The following SLC25A16 variants were observed in gnomAD, a reference collection of about 807,000 sequenced individuals.
SLC25A16 encodes mitochondrial coenzyme A transporter SLC25A16.
In SLC25A16, 39 loss-of-function variants were observed where a neutral mutation model predicts 41.5. The ratio of observed to expected loss-of-function variants is 0.94; its 90% CI spans 0.73 to 1.23. The LOEUF (loss-of-function observed/expected upper bound fraction) is 1.23, where lower values mean the gene tolerates loss of function less well. Ranked by LOEUF, SLC25A16 falls within the 50% of genes most tolerant of loss-of-function variation. SLC25A16 has a pLI of 0.00. For synonymous variants in SLC25A16, 146 were observed against 147.8 expected (o/e 0.99, Z 0.09); for missense variants, 421 against 426.9 (o/e 0.99, Z 0.12).
At chr10:68,503,592 ATTAAT>A (rs749337906) in intron 4 of SLC25A16, 35 bp downstream of exon 4, 1,010 of 1,288,388 alleles carry the variant, frequency 7.8e-4, no homozygotes, top group Non-Finnish European at 1.0e-3. Flanking sequence ...TTAATAGAAA[ATTAAT>A]TTGTCAGAAA....
At chr10:68,510,996 T>C (rs548489243) in intron 2 of SLC25A16, among the ~76,000 whole-genome samples, 1 of 152,312 alleles carries the variant, frequency 6.6e-6, no homozygotes, top group South Asian at 2.1e-4. Flanking sequence ...CCCAGCACTT[T>C]GGGAGGCCAA....
intron 2 of SLC25A16, among the ~76,000 whole-genome samples, chr10:68,507,824 T>G (rs1042682065): frequency 6.6e-6 from 1 of 152,172 alleles, no homozygotes; most frequent in Admixed American, 6.6e-5. Flanking sequence ...ATTTCAAATT[T>G]TAGACTGCAA....
At chr10:68,519,214 C>T (rs995689423) in intron 1 of SLC25A16, among the ~76,000 whole-genome samples, 4 of 145,388 alleles carry the variant, frequency 2.8e-5, no homozygotes, top group Admixed American at 2.1e-4. Context: ...AAAGGCTGGG[C>T]GCAGTGGCTC....
In SLC25A16 at chr10:68,483,526, C is replaced by A; in HGVS notation, c.905G>T (p.Arg302Leu). Residue 302 changes from arginine (R) to leucine (L), a missense_variant, in exon 9 of 9, where the codon CGT (arginine) becomes CTT (leucine). Coordinates refer to ENST00000609923, the MANE Select transcript of SLC25A16 (RefSeq NM_152707.4). ...GCGAATGTAATTAAGAGATAAACCA[C>A]GATAGAGTCCTTTTCGAATTCCATG... Reference protein sequence around the residue: ...GHHGIRKGLYRGLSLNYIRCI... With the variant: ...GHHGIRKGLYLGLSLNYIRCI... 6.2e-7 allele frequency: 1 copy of A among 1,611,746 alleles called. No homozygotes were observed. Among genetic ancestry groups the A allele is most frequent in the South Asian group, 1.1e-5 (1 of 90,670 alleles).
At chr10:68,499,866 C>T in intron 4 of SLC25A16, 1 of 540,644 alleles carries the variant, frequency 1.8e-6, no homozygotes, top group South Asian at 1.6e-5. Context: ...TAAAACTGAA[C>T]AAAGACGGCA....
intron 2 of SLC25A16, among the ~76,000 whole-genome samples, chr10:68,509,046 T>C (rs572059944): frequency 6.6e-6 from 1 of 152,232 alleles, no homozygotes; most frequent in African/African-American, 2.4e-5. Flanking sequence ...ACAGTACTTC[T>C]AAAATTAAGG....
At chr10:68,502,377 A>T (rs954318351) in intron 4 of SLC25A16, among the ~76,000 whole-genome samples, 5 of 152,068 alleles carry the variant, frequency 3.3e-5, no homozygotes, top group Admixed American at 2.0e-4. Context: ...GATTTTTTTT[A>T]AAAAATCATA....
intron 2 of SLC25A16, among the ~76,000 whole-genome samples, chr10:68,510,168 CGGAGTA>C (rs2053036204): frequency 6.6e-6 from 1 of 152,040 alleles, no homozygotes; most frequent in Non-Finnish European, 1.5e-5. Flanking sequence ...TATAAAAAGT[CGGAGTA>C]GAAGTAATAG....
chr10:68,493,222 A>G (rs1460515925), intron 5 of SLC25A16, 24 bp from the exon 6 acceptor site: 4 of 1,502,354 alleles, frequency 2.7e-6, no homozygotes, highest in Non-Finnish European at 3.7e-6. Flanking sequence ...GAAAATTGCA[A>G]GTGAGATTAC....
chr10:68,499,782 G>A, intron 4 of SLC25A16: 1 of 418,616 alleles, frequency 2.4e-6, no homozygotes, highest in Non-Finnish European at 4.6e-6. Context: ...TACACTGAAT[G>A]AGTGCAGTGG....
In SLC25A16 at chr10:68,478,414, T is replaced by A. The variant is rs567910398; in HGVS notation, c.*5018A>T. The A allele has an allele frequency of 7.2e-5, 11 of 152,204 alleles. No individual in the cohort carries two copies. The highest frequency in any genetic ancestry group is 1.5e-4 in the Non-Finnish European group (10 of 68,040). 9.4% of individuals were successfully genotyped at this position (152,204 alleles called of 1,614,324 possible). A position where few individuals can be genotyped will look rare whatever the true frequency, so the allele number is the denominator to read the frequency against. Reference sequence around the variant, plus strand: ...TAGATGCGAGGAACTATGTAAAGTGTATGCTTGCTATACAAGTGTGTCAGG... The same window carrying A: ...TAGATGCGAGGAACTATGTAAAGTGAATGCTTGCTATACAAGTGTGTCAGG... On this transcript the variant is annotated 3_prime_UTR_variant, in exon 9 of 9. Transcript: ENST00000609923.
chr10:68,487,607 A>T (rs1372843694), intron 7 of SLC25A16, among the ~76,000 whole-genome samples: 2 of 152,136 alleles, frequency 1.3e-5, no homozygotes, highest in African/African-American at 4.8e-5. Flanking sequence ...TGCACTAGAG[A>T]TGTTTAAGCA....
Position 68,490,492 on chromosome 10 carries a change from G to A in SLC25A16, c.611-1863C>T, listed in dbSNP as rs574642732. Among the ~76,000 whole-genome samples the A allele has an allele frequency of 3.9e-3, 596 of 151,984 alleles. 7 individuals are homozygous for A. Among genetic ancestry groups the A allele is most frequent in the African/African-American group, 0.014 (570 of 41,456 alleles). On this transcript the variant is annotated intron_variant, in intron 6 of 8. Transcript: ENST00000609923. The stretch of plus-strand genomic sequence containing the variant: ...TGAGTAGCTGGGATTACAGGCGTGC[G>A]CCACCACGCCTGGCTAATTTTTGTA...
chr10:68,493,065 G>GAA (rs11288507), intron 6 of SLC25A16, 67 bp downstream of exon 6: 2,143 of 764,064 alleles, frequency 2.8e-3, no homozygotes, highest in Non-Finnish European at 3.3e-3. Context: ...TACCATTTCA[G>GAA]AAAAAAAAAA....
chr10:68,521,471 G>A (rs1198981774), intron 1 of SLC25A16, among the ~76,000 whole-genome samples: 1 of 152,054 alleles, frequency 6.6e-6, no homozygotes. Flanking sequence ...GGATGTTTCA[G>A]TGAGCAGAGA....
chr10:68,495,706 C>T (rs959450449), intron 4 of SLC25A16, among the ~76,000 whole-genome samples: 6 of 137,026 alleles, frequency 4.4e-5, no homozygotes, highest in Admixed American at 8.0e-5. Context: ...TCCTTGAACC[C>T]GGGAGGCAGA....
chr10:68,488,443 A>C (rs2052600765), intron 7 of SLC25A16, 24 bp downstream of exon 7: 1 of 1,451,902 alleles, frequency 6.9e-7, no homozygotes, highest in Non-Finnish European at 9.1e-7. Context: ...AATTTGATTA[A>C]ATTAAGTTAG....
At chr10:68,489,943 T>C (rs2052629392) in intron 6 of SLC25A16, among the ~76,000 whole-genome samples, 3 of 150,370 alleles carry the variant, frequency 2.0e-5, no homozygotes, top group Admixed American at 6.6e-5. Context: ...AAGGGATTTC[T>C]CTTACCAAAT....
intron 1 of SLC25A16, among the ~76,000 whole-genome samples, chr10:68,523,427 G>A (rs1469961074): frequency 6.6e-6 from 1 of 152,154 alleles, no homozygotes; most frequent in Non-Finnish European, 1.5e-5. Flanking sequence ...TACCAAGCAA[G>A]TCGGAGGCAC....
Sources: gnomAD v4.1 joint callset for allele counts (sites outside exome capture counted in the v4.1 genomes callset) on GRCh38, gnomAD v4.1.1 for gene constraint, MANE v1.5 for transcripts, NCBI Gene and HGNC (gene_info 2026-07-23, HGNC 2026-07-21) for gene names.